POU1F1: variants seen among roughly 807,000 people sequenced by gnomAD.
POU1F1 encodes POU class 1 homeobox 1.
Under a neutral mutation model 32.3 loss-of-function variants are expected in POU1F1, and 23 were observed. The observed-to-expected ratio is 0.71, with a 90% CI of 0.51 to 1.01. The LOEUF (loss-of-function observed/expected upper bound fraction) is 1.01. Ranked by LOEUF, POU1F1 falls within the 50% of genes least tolerant of loss-of-function variation. The pLI, the probability that POU1F1 is intolerant of heterozygous loss-of-function variation, is 0.00. For missense variants in POU1F1, 323 were observed against 341.6 expected (o/e 0.95, Z 0.43); for synonymous variants, 120 against 115.6 (o/e 1.04, Z -0.25).
chr3:87,276,387 T>A lies in POU1F1; in HGVS notation c.76A>T (p.Ile26Leu). 1 of 1,614,006 alleles carries A rather than the reference T, an allele frequency of 6.2e-7. No individual in the cohort carries two copies. The highest frequency in any genetic ancestry group is 8.5e-7 in the Non-Finnish European group (1 of 1,179,938). ...CACTCGGCAGCACTGTGATGCATTATCAGAGGCAGAGTTGCAGAGGCGTCA... is the reference window on the plus strand; with the variant it reads ...CACTCGGCAGCACTGTGATGCATTAACAGAGGCAGAGTTGCAGAGGCGTCA... ...NSDASATLPLIMHHSAAECLP... is the reference protein window; with the variant it reads ...NSDASATLPLLMHHSAAECLP... Residue 26 changes from isoleucine to leucine, a missense_variant, in exon 1 of 6, where the codon ATA (isoleucine) becomes TTA (leucine). By Grantham distance (5) the Ile-to-Leu change is conservative (BLOSUM62 2). Coordinates refer to ENST00000350375, the MANE Select transcript of POU1F1 (RefSeq NM_000306.4).
At position 87,273,400 on chromosome 3, in the gene POU1F1, G is replaced by A; in HGVS notation, c.161C>T (p.Ser54Phe). 1 of 1,612,498 alleles carries A rather than the reference G, an allele frequency of 6.2e-7. No individual in the cohort carries two copies. Among genetic ancestry groups the A allele is most frequent in the Non-Finnish European group, 8.5e-7 (1 of 1,178,906 alleles). The change falls in exon 2 of 6, where the codon TCT becomes TTT. Residue 54 changes from serine (S) to phenylalanine (F), a missense_variant. By Grantham distance (155) the Ser-to-Phe change is radical (BLOSUM62 -2). Transcript: ENST00000350375. ...GTTTCCATAATGACAGGAAGGAACAGAATAATGAAGTCCTGTTGCTGTGTT... is the reference window on the plus strand; with the variant it reads ...GTTTCCATAATGACAGGAAGGAACAAAATAATGAAGTCCTGTTGCTGTGTT... ...VMSTATGLHYSVPSCHYGNQP... is the reference protein window; with the variant it reads ...VMSTATGLHYFVPSCHYGNQP...
chr3:87,264,173 G>A, intron 3 of POU1F1, 115 bp downstream of exon 3: 1 of 853,626 alleles, frequency 1.2e-6, no homozygotes, highest in Non-Finnish European at 1.9e-6. Flanking sequence ...TACGTCCACA[G>A]TAGAGATGAA....
chr3:87,273,736 G>A (rs556178266), intron 1 of POU1F1, among the ~76,000 whole-genome samples: 58 of 152,236 alleles, frequency 3.8e-4, no homozygotes, highest in Admixed American at 7.2e-4. Context: ...CCCGTGAAGG[G>A]GTGACTGACC....
intron 5 of POU1F1, 56 bp downstream of exon 5, chr3:87,261,217 A>G: frequency 8.1e-7 from 1 of 1,237,396 alleles, no homozygotes; most frequent in South Asian, 1.3e-5. Context: ...TCAAATGCTC[A>G]TTCCATTTAT....
intron 2 of POU1F1, among the ~76,000 whole-genome samples, chr3:87,268,016 A>G (rs949263039): frequency 6.6e-6 from 1 of 151,954 alleles, no homozygotes; most frequent in African/African-American, 2.4e-5. Flanking sequence ...ACCATGCTCC[A>G]AGGTTTGGCA....
chr3:87,275,970 T>C (rs1262710590), intron 1 of POU1F1, among the ~76,000 whole-genome samples: 3 of 152,120 alleles, frequency 2.0e-5, no homozygotes, highest in Admixed American at 2.0e-4. Context: ...TTTTAAATAT[T>C]GTTATTTTAT....
chr3:87,272,852 G>T (rs1051471968), intron 2 of POU1F1, among the ~76,000 whole-genome samples: 1 of 152,098 alleles, frequency 6.6e-6, no homozygotes, highest in Admixed American at 6.6e-5. Context: ...ATATAATGAT[G>T]AGGGGGGGTG....
chr3:87,267,342 G>A (rs116638050), intron 2 of POU1F1, among the ~76,000 whole-genome samples: 2,937 of 152,244 alleles, frequency 0.019, 35 homozygotes, highest in Non-Finnish European at 0.029. Context: ...CTTGCCTCCA[G>A]TGCCCAACGA....
intron 2 of POU1F1, among the ~76,000 whole-genome samples, chr3:87,267,361 T>C (rs745481655): frequency 1.6e-4 from 25 of 152,224 alleles, no homozygotes; most frequent in Non-Finnish European, 2.5e-4. Context: ...GAATTAACTT[T>C]GCAGTTTAAA....
chr3:87,276,573 C>A lies in POU1F1; in HGVS notation c.-111G>T. The A allele has an allele frequency of 7.6e-7, 1 of 1,310,444 alleles. No homozygotes were observed. 81.2% of individuals were successfully genotyped at this position (1,310,444 alleles called of 1,614,324 possible). On this transcript the variant is annotated 5_prime_UTR_variant, in exon 1 of 6. Transcript: ENST00000350375. ...ATTCTCACTACCTGCATATATACAT[C>A]AGGAAGGCTCTGAGGCACCAGGAGG...
At position 87,262,345 on chromosome 3, in the gene POU1F1, T is replaced by G. The variant is rs188667289; in HGVS notation, c.440-110A>C. ...TTGTCAACTATTACACACTATTTTT[T>G]AACTATATATTCTTGGCAAATCAGA... On this transcript the variant is annotated intron_variant, in intron 3 of 5. Transcript: ENST00000350375. 1.5e-4 allele frequency: 184 copies of G among 1,207,628 alleles called. No homozygotes were observed. In the African/African-American group the frequency reaches 2.5e-3, roughly 17 times the overall value. The allele number at this position is 1,207,628 out of a possible 1,614,324, so 74.8% of individuals were successfully genotyped here.
intron 2 of POU1F1, among the ~76,000 whole-genome samples, chr3:87,267,236 C>A (rs1706636276): frequency 6.6e-6 from 1 of 152,076 alleles, no homozygotes; most frequent in Non-Finnish European, 1.5e-5. Context: ...CATTTGTTAT[C>A]ATCTTTATCC....
At chr3:87,267,601 T>C (rs370301138) in intron 2 of POU1F1, among the ~76,000 whole-genome samples, 1 of 140,012 alleles carries the variant, frequency 7.1e-6, no homozygotes, top group Non-Finnish European at 1.6e-5. Context: ...TATTTGTTTG[T>C]TTGCTTATTT....
In POU1F1 at chr3:87,262,251, A is replaced by T. The variant is rs780869705; in HGVS notation, c.440-16T>A. 1 of 1,613,804 alleles carries T rather than the reference A, an allele frequency of 6.2e-7. No homozygotes were observed. The highest frequency in any genetic ancestry group is 1.1e-5 in the South Asian group (1 of 91,030). The stretch of plus-strand genomic sequence containing the variant: ...TGGGTGTATCCTGTGAAGGGACAAT[A>T]AAGACCATCAGCTCCAACTTTCCAG... On this transcript the variant is annotated splice_polypyrimidine_tract_variant and intron_variant, in intron 3 of 5. Transcript: ENST00000350375.
chr3:87,266,495 T>C (rs887863138), intron 2 of POU1F1, among the ~76,000 whole-genome samples: 23 of 151,212 alleles, frequency 1.5e-4, no homozygotes, highest in Non-Finnish European at 2.4e-4. Flanking sequence ...AACATAAATT[T>C]ATCTGCTCTA....
chr3:87,260,044 T>G lies in POU1F1; in HGVS notation c.726A>C (p.Gln242His). Residue 242 changes from glutamine to histidine, a missense_variant, in exon 6 of 6, where the codon CAA (glutamine) becomes CAC (histidine). Coordinates refer to ENST00000350375, the MANE Select transcript of POU1F1 (RefSeq NM_000306.4). ...HFGEQNKPSSQEIMRMAEELN... is the reference protein window; with the variant it reads ...HFGEQNKPSSHEIMRMAEELN... ...GTTCTTCAGCCATCCTCATGATCTC[T>G]TGAGAAGAAGGTTTATTCTGTTCTC... The G allele has an allele frequency of 6.2e-7, 1 of 1,614,044 alleles. No homozygotes were observed. The highest frequency in any genetic ancestry group is 1.1e-5 in the South Asian group (1 of 91,068).
chr3:87,269,044 GA>G (rs1366338290), intron 2 of POU1F1, among the ~76,000 whole-genome samples: 1 of 152,064 alleles, frequency 6.6e-6, no homozygotes, highest in Non-Finnish European at 1.5e-5. Context: ...GAAGCAGAGG[GA>G]CATAGTAAAA....
chr3:87,265,500 T>C (rs1706602767), intron 2 of POU1F1, among the ~76,000 whole-genome samples: 1 of 152,096 alleles, frequency 6.6e-6, no homozygotes, highest in Admixed American at 6.6e-5. Context: ...ATTTTGTTTC[T>C]TGTTTTCTTT....
intron 2 of POU1F1, among the ~76,000 whole-genome samples, chr3:87,266,242 T>TA (rs1401602056): frequency 6.8e-6 from 1 of 146,866 alleles, no homozygotes. Flanking sequence ...TTTATTTATA[T>TA]AAAATTTATA....
Sources: allele counts gnomAD v4.1 joint callset (sites outside exome capture counted in the v4.1 genomes callset), GRCh38; gene constraint gnomAD v4.1.1; transcripts MANE v1.5; gene names NCBI Gene and HGNC (gene_info 2026-07-23, HGNC 2026-07-21).